The following NKX2-1 variants were observed in gnomAD, a reference collection of about 807,000 sequenced individuals.
NKX2-1 encodes the protein NK2 homeobox 1.
In NKX2-1, 9 loss-of-function variants were observed where a neutral mutation model predicts 35.1. The ratio of observed to expected loss-of-function variants is 0.26; its 90% CI spans 0.15 to 0.45. NKX2-1 has a LOEUF of 0.45. Among genes scored for constraint, NKX2-1 ranks in the 20% least tolerant of loss-of-function variants. The pLI is 1.00. For missense variants in NKX2-1, 509 were observed against 589.1 expected (o/e 0.86, Z 1.41); for synonymous variants, 284 against 269.9 (o/e 1.05, Z -0.51).
At chr14:36,520,001 C>A (rs1045985330) in intron 1 of NKX2-1, 52 bp downstream of exon 1, 2 of 1,607,812 alleles carry the variant, frequency 1.2e-6, no homozygotes, top group African/African-American at 1.3e-5. Flanking sequence ...GTTCCCCGGG[C>A]ACGGACAGGT....
rs1372760215 is a variant in NKX2-1 at position 36,519,160 on chromosome 14, G to C, written c.288C>G (p.Ala96=). 3 of 1,604,958 alleles carry C rather than the reference G, an allele frequency of 1.9e-6. No individual in the cohort carries two copies. The change falls in exon 2 of 3, where the codon GCC becomes GCG. Residue 96 remains alanine, a synonymous_variant. Transcript: ENST00000354822. Reference sequence around the variant, plus strand: ...CCCCCGCCGCCGTCATGTGGTAGGCGGCGGTGACGGCGCCGTGGTGCCCCA... The same window carrying C: ...CCCCCGCCGCCGTCATGTGGTAGGCCGCGGTGACGGCGCCGTGGTGCCCCA... ...HAVGHHGAVT[A]AYHMTAAGVP...
At chr14:36,518,580 AGGGCC>A (rs1881169697) in intron 2 of NKX2-1, among the ~76,000 whole-genome samples, 1 of 152,032 alleles carries the variant, frequency 6.6e-6, no homozygotes. Flanking sequence ...CGCTGGAGAG[AGGGCC>A]GGGCCGGGCG....
At chr14:36,518,874 C>G in intron 2 of NKX2-1, 111 bp downstream of exon 2, 1 of 1,329,598 alleles carries the variant, frequency 7.5e-7, no homozygotes, top group Non-Finnish European at 9.7e-7. Context: ...GCTGCCGGGC[C>G]GCCCTCCCTG....
At chr14:36,519,557 G>A (rs1333532236) in intron 1 of NKX2-1, 187 bp from the exon 2 acceptor site, 1 of 1,534,308 alleles carries the variant, frequency 6.5e-7, no homozygotes, top group African/African-American at 1.4e-5. Context: ...GCTGCCTCGC[G>A]TTTGTTTTAG....
chr14:36,519,081 T>C lies in NKX2-1; in HGVS notation c.367A>G (p.Asn123Asp), dbSNP rs1156783636. 1 of 1,601,852 alleles carries C rather than the reference T, an allele frequency of 6.2e-7. No individual in the cohort carries two copies. Among genetic ancestry groups the C allele is most frequent in the Admixed American group, 1.7e-5 (1 of 59,946 alleles). Residue 123 changes from asparagine to aspartate, a missense_variant, in exon 2 of 3, where the codon AAC becomes GAC. Coordinates refer to ENST00000354822, the MANE Select transcript of NKX2-1 (RefSeq NM_001079668.3). ...VGGYCNGNLG[N>D]MSELPPYQDT... ...TGGTACGGCGGCAGCTCGCTCATGT[T>C]GCCCAGGTTGCCGTTGCAGTAGCCC...
intron 2 of NKX2-1, 35 bp from the exon 3 acceptor site, chr14:36,518,055 C>T (rs770197192): frequency 1.3e-6 from 2 of 1,590,402 alleles, no homozygotes; most frequent in African/African-American, 2.7e-5. Flanking sequence ...CGGCCGGGGC[C>T]AGGCCGAGCC....
intron 1 of NKX2-1, 79 bp from the exon 2 acceptor site, chr14:36,519,449 C>G: frequency 6.3e-7 from 1 of 1,578,286 alleles, no homozygotes; most frequent in South Asian, 1.2e-5. Context: ...TCTCCCTTTG[C>G]CAAATATTCT....
In NKX2-1 at chr14:36,519,210, T is replaced by G. The variant is rs1328452630; in HGVS notation, c.238A>C (p.Thr80Pro). The G allele has an allele frequency of 3.7e-6, 6 of 1,603,942 alleles. No homozygotes were observed. Among genetic ancestry groups the G allele is most frequent in the Non-Finnish European group, 8.5e-7 (1 of 1,175,568 alleles). Residue 80 changes from threonine (T) to proline (P), a missense_variant, in exon 2 of 3, where the codon ACA becomes CCA. Physicochemically the swap from Thr to Pro is conservative, Grantham distance 38 (BLOSUM62 -1). Coordinates refer to ENST00000354822, the MANE Select transcript of NKX2-1 (RefSeq NM_001079668.3). Reference protein sequence around the residue: ...AYRQGQAAPPTAAMQQHAVGH... With the variant: ...AYRQGQAAPPPAAMQQHAVGH... ...ACGGCGTGCTGCTGCATGGCCGCTG[T>G]TGGCGGTGCCGCCTGGCCCTGCCTG... is the stretch of plus-strand genomic sequence containing the variant.
In NKX2-1 at chr14:36,517,617, C is replaced by T. The variant is rs746780018; in HGVS notation, c.867G>A (p.Ala289=). 45 of 1,534,292 alleles carry T rather than the reference C, an allele frequency of 2.9e-5. No homozygotes were observed. The highest frequency in any genetic ancestry group is 2.5e-4 in the South Asian group (21 of 83,198). The change falls in exon 3 of 3, where the codon GCG becomes GCA. Residue 289 remains alanine, a synonymous_variant. Coordinates refer to ENST00000354822, the MANE Select transcript of NKX2-1 (RefSeq NM_001079668.3). ...TGCCGTCTTTCACCAGGACCGGCAC[C>T]GCCACGCGTCGCGGCGACTGCTGCT... The part of the protein sequence containing the change: ...QAQQQSPRRV[A]VPVLVKDGKP...
chr14:36,516,652 C>A lies in NKX2-1; in HGVS notation c.*626G>T, dbSNP rs1881029914. ...AGGCATTTAGTCCAACTTTTGACAGCGTTTTACAGCTACAAGTTCACATTA... is the reference window on the plus strand; with the variant it reads ...AGGCATTTAGTCCAACTTTTGACAGAGTTTTACAGCTACAAGTTCACATTA... On this transcript the variant is annotated 3_prime_UTR_variant, in exon 3 of 3. Transcript: ENST00000354822. The A allele has an allele frequency of 8.6e-6, 2 of 232,948 alleles. No individual in the cohort carries two copies. The highest frequency in any genetic ancestry group is 1.7e-5 in the Non-Finnish European group (2 of 117,606). 14.4% of individuals were successfully genotyped at this position (232,948 alleles called of 1,614,324 possible). A position where few individuals can be genotyped will look rare whatever the true frequency, so the allele number is the denominator to read the frequency against.
In NKX2-1 at chr14:36,517,059, TC is replaced by T. The variant is rs1881052949; in HGVS notation, c.*218del. On this transcript the variant is annotated 3_prime_UTR_variant, in exon 3 of 3. Transcript: ENST00000354822. ...GGATGCGCTTGGTTGTTTTTCATTTTCTTTTTTTAAAAAAAAAAACCCACAA... is the reference window on the plus strand; with the variant it reads ...GGATGCGCTTGGTTGTTTTTCATTTTTTTTTTTAAAAAAAAAAACCCACAA... 34 of 879,310 alleles carry T rather than the reference TC, an allele frequency of 3.9e-5. No homozygotes were observed. Among genetic ancestry groups the T allele is most frequent in the Admixed American group, 1.0e-4 (3 of 28,682 alleles). 54.5% of individuals were successfully genotyped at this position (879,310 alleles called of 1,614,324 possible).
At position 36,517,123 on chromosome 14, in the gene NKX2-1, T is replaced by A; in HGVS notation, c.*155A>T. ...GAAAAAAAGAAAGACGTCCAGCAGTTTGGCCTTTGTGGTTTTTTTGTTCCT... is the reference window on the plus strand; with the variant it reads ...GAAAAAAAGAAAGACGTCCAGCAGTATGGCCTTTGTGGTTTTTTTGTTCCT... On this transcript the variant is annotated 3_prime_UTR_variant, in exon 3 of 3. Coordinates refer to ENST00000354822, the MANE Select transcript of NKX2-1 (RefSeq NM_001079668.3). The A allele has an allele frequency of 1.4e-5, 19 of 1,335,388 alleles. No individual in the cohort carries two copies. Among genetic ancestry groups the A allele is most frequent in the Non-Finnish European group, 1.9e-5 (19 of 1,013,574 alleles). 82.7% of individuals were successfully genotyped at this position (1,335,388 alleles called of 1,614,324 possible).
chr14:36,519,006 G>T lies in NKX2-1; in HGVS notation c.442C>A (p.Pro148Thr), dbSNP rs979196868. ...TTACTGGCGGGGAAGCGCGGGTCTG[G>T]GTTGGCGCCGTACCATCCGGGGCCA... is the stretch of plus-strand genomic sequence containing the variant. Reference protein sequence around the residue: ...ASGPGWYGANPDPRFPAISRF... With the variant: ...ASGPGWYGANTDPRFPAISRF... The change falls in exon 2 of 3, where the codon CCA (proline) becomes ACA (threonine). Residue 148 changes from proline to threonine, a missense_variant. Pro to Thr is a conservative substitution (Grantham distance 38). Coordinates refer to ENST00000354822, the MANE Select transcript of NKX2-1 (RefSeq NM_001079668.3). 12 of 1,574,630 alleles carry T rather than the reference G, an allele frequency of 7.6e-6. No individual in the cohort carries two copies. The highest frequency in any genetic ancestry group is 3.4e-5 in the South Asian group (3 of 87,842).
At chr14:36,519,504 GTGGA>G in intron 1 of NKX2-1, 134 bp from the exon 2 acceptor site, 1 of 1,539,040 alleles carries the variant, frequency 6.5e-7, no homozygotes, top group Non-Finnish European at 8.7e-7. Context: ...ACGTAACGGA[GTGGA>G]CCGAGTCCTC....
At chr14:36,519,423 C>G in intron 1 of NKX2-1, 53 bp from the exon 2 acceptor site, 1 of 1,604,126 alleles carries the variant, frequency 6.2e-7, no homozygotes, top group Non-Finnish European at 8.5e-7. Flanking sequence ...AAGGCGAAGC[C>G]TCGCTGCTTT....
At position 36,517,438 on chromosome 14, in the gene NKX2-1, T is replaced by C. The variant is rs1881080299; in HGVS notation, c.1046A>G (p.His349Arg). 6.6e-7 allele frequency: 1 copy of C among 1,520,178 alleles called. No homozygotes were observed. The highest frequency in any genetic ancestry group is 8.8e-7 in the Non-Finnish European group (1 of 1,136,144). The allele number at this position is 1,520,178 out of a possible 1,614,324, so 94.2% of individuals were successfully genotyped here. A position where few individuals can be genotyped will look rare whatever the true frequency, so the allele number is the denominator to read the frequency against. ...AGACTGGCCTGCGCTGCCTGGCTGG[T>C]GGCCCGGGTGTGCGCCAAGGCCGGC... ...GGAGLGAHPGHQPGSAGQSPD... is the reference protein window; with the variant it reads ...GGAGLGAHPGRQPGSAGQSPD... Residue 349 changes from histidine (H) to arginine (R), a missense_variant, in exon 3 of 3, where the codon CAC (histidine) becomes CGC (arginine). His to Arg is a conservative substitution (Grantham distance 29, BLOSUM62 0). This residue lies in a region of NKX2-1 where 212 missense variants were observed against 227.7 expected (regional missense o/e 0.93). Coordinates refer to ENST00000354822, the MANE Select transcript of NKX2-1 (RefSeq NM_001079668.3).
Position 36,517,957 on chromosome 14 carries a change from A to T in NKX2-1, c.527T>A (p.Leu176Gln). ...GGCCATGTTCTTGCTCACGTCCCCC[A>T]GCGAGCCCAGGCCGCCCATGCCGCT... ...NMSGMGGLGS[L>Q]GDVSKNMAPL... The change falls in exon 3 of 3, where the codon CTG (leucine) becomes CAG (glutamine). Residue 176 changes from leucine to glutamine, a missense_variant. This residue lies in a region of NKX2-1 where 271 missense variants were observed against 284.1 expected (regional missense o/e 0.95). Coordinates refer to ENST00000354822, the MANE Select transcript of NKX2-1 (RefSeq NM_001079668.3). 6.2e-7 allele frequency: 1 copy of T among 1,601,236 alleles called. No individual in the cohort carries two copies. The highest frequency in any genetic ancestry group is 8.5e-7 in the Non-Finnish European group (1 of 1,179,724).
intron 1 of NKX2-1, 184 bp from the exon 2 acceptor site, chr14:36,519,554 C>T (rs961279723): frequency 1.6e-5 from 24 of 1,534,466 alleles, no homozygotes; most frequent in Middle Eastern, 1.7e-4. Context: ...GGGGCTGCCT[C>T]GCGTTTGTTT....
Position 36,520,081 on chromosome 14 carries a change from C to T in NKX2-1, c.49G>A (p.Gly17Arg), listed in dbSNP as rs1881282424. 6.2e-7 allele frequency: 1 copy of T among 1,613,070 alleles called. No individual in the cohort carries two copies. Among genetic ancestry groups the T allele is most frequent in the South Asian group, 1.1e-5 (1 of 91,054 alleles). ...AGCCTGCCGGGGCTGCTCCTCCCTC[C>T]CGCCGCGGCCTCCCAGCCCCGCGCC... The part of the protein sequence containing the change: ...GKARGWEAAA[G>R]GRSSPGRLSR... Residue 17 changes from glycine to arginine, a missense_variant, in exon 1 of 3, where the codon GGA becomes AGA. By Grantham distance (125) the Gly-to-Arg change is moderately radical. Transcript: ENST00000354822.
Sources: allele counts gnomAD v4.1 joint callset (sites outside exome capture counted in the v4.1 genomes callset), GRCh38; gene constraint gnomAD v4.1.1; regional missense constraint gnomAD v4.1.1; transcripts MANE v1.5; gene names NCBI Gene and HGNC (gene_info 2026-07-23, HGNC 2026-07-21).